The following CFAP54 variants were observed in gnomAD, a reference collection of about 807,000 sequenced individuals.
CFAP54 encodes cilia- and flagella-associated protein 54.
Under a neutral mutation model 370.4 loss-of-function variants are expected in CFAP54, and 290 were observed. The ratio of observed to expected loss-of-function variants is 0.78; its 90% CI spans 0.71 to 0.86. The LOEUF (loss-of-function observed/expected upper bound fraction) is 0.86, where lower values mean the gene tolerates loss of function less well. Ranked by LOEUF, CFAP54 falls within the 40% of genes least tolerant of loss-of-function variation. The pLI, the probability that CFAP54 is intolerant of heterozygous loss-of-function variation, is 0.00. For missense variants in CFAP54, 3,399 were observed against 3,528.7 expected (o/e 0.96, Z 0.93); for synonymous variants, 1,206 against 1,236.5 (o/e 0.98, Z 0.52).
chr12:96,727,512 A>T (rs7953246), intron 50 of CFAP54, among the ~76,000 whole-genome samples: 114,030 of 134,038 alleles, frequency 0.85, 48,929 homozygotes, highest in African/African-American at 0.95. Context: ...TGCCTTTTTT[A>T]GTTTTCCATT....
intron 39 of CFAP54, among the ~76,000 whole-genome samples, chr12:96,672,330 C>G (rs1009571556): frequency 3.9e-5 from 6 of 152,018 alleles, no homozygotes. Context: ...AGAATAAACC[C>G]AAGCAGGGAA....
intron 65 of CFAP54, among the ~76,000 whole-genome samples, chr12:96,828,053 A>G (rs1359947522): frequency 7.8e-6 from 1 of 128,054 alleles, no homozygotes; most frequent in Non-Finnish European, 1.6e-5. Flanking sequence ...TTATATATTA[A>G]TATATTATTA....
Position 96,589,527 on chromosome 12 carries a change from T to C in CFAP54, c.3176T>C (p.Ile1059Thr), listed in dbSNP as rs1956105758. Residue 1059 changes from isoleucine to threonine, a missense_variant, in exon 23 of 68, where the codon ATT becomes ACT. Transcript: ENST00000524981. ...CCACTTCAGGATGAACAATCTGTTA[T>C]TTGTTTAAGCAATATAATTACTATT... ...ASPLQDEQSV[I>T]CLSNIITITQ... 2.7e-6 allele frequency: 4 copies of C among 1,480,128 alleles called. No individual in the cohort carries two copies. Among genetic ancestry groups the C allele is most frequent in the Non-Finnish European group, 3.6e-6 (4 of 1,096,390 alleles). The allele number at this position is 1,480,128 out of a possible 1,614,324, so 91.7% of individuals were successfully genotyped here. A position where few individuals can be genotyped will look rare whatever the true frequency, so the allele number is the denominator to read the frequency against.
chr12:96,835,582 T>C (rs1398575032), intron 66 of CFAP54, among the ~76,000 whole-genome samples: 3 of 152,146 alleles, frequency 2.0e-5, no homozygotes, highest in Admixed American at 6.5e-5. Context: ...TGCTCTGTGA[T>C]TGGAGCAGGT....
intron 66 of CFAP54, among the ~76,000 whole-genome samples, chr12:96,842,408 C>T (rs1487381583): frequency 6.6e-6 from 1 of 152,128 alleles, no homozygotes; most frequent in African/African-American, 2.4e-5. Flanking sequence ...CAAGGATCCC[C>T]TCTGTTGTCC....
At position 96,554,214 on chromosome 12, in the gene CFAP54, T is replaced by C. The variant is rs907090905; in HGVS notation, c.2187T>C (p.Tyr729=). ...CTGTGGAACAGTTACTTTTTGCTTA[T>C]AAACTTCTTGACAGAGCAATCGGTG... The part of the protein sequence containing the change: ...KNPVEQLLFA[Y]KLLDRAIGGI... Residue 729 remains tyrosine, a synonymous_variant, in exon 16 of 68, where the codon TAT becomes TAC. Transcript: ENST00000524981. 2.9e-5 allele frequency: 44 copies of C among 1,516,520 alleles called. No homozygotes were observed. Among genetic ancestry groups the C allele is most frequent in the Non-Finnish European group, 3.8e-5 (43 of 1,138,676 alleles). 93.9% of individuals were successfully genotyped at this position (1,516,520 alleles called of 1,614,324 possible). A position where few individuals can be genotyped will look rare whatever the true frequency, so the allele number is the denominator to read the frequency against.
At chr12:96,515,415 A>G (rs1177790471) in intron 5 of CFAP54, among the ~76,000 whole-genome samples, 1 of 152,144 alleles carries the variant, frequency 6.6e-6, no homozygotes. Context: ...TTGGCACCTG[A>G]AGATCTGAAT....
intron 17 of CFAP54, among the ~76,000 whole-genome samples, chr12:96,559,956 T>C (rs185966011): frequency 3.3e-5 from 5 of 152,312 alleles, no homozygotes; most frequent in African/African-American, 1.2e-4. Flanking sequence ...GAAGATTTTC[T>C]TATGTTTTCT....
intron 39 of CFAP54, among the ~76,000 whole-genome samples, chr12:96,676,913 G>A (rs1311412256): frequency 2.6e-5 from 4 of 152,128 alleles, no homozygotes; most frequent in Non-Finnish European, 5.9e-5. Flanking sequence ...AACCGTCTGC[G>A]AGCCAGGGAG....
At chr12:96,673,509 C>A (rs563299542) in intron 39 of CFAP54, among the ~76,000 whole-genome samples, 260 of 152,250 alleles carry the variant, frequency 1.7e-3, no homozygotes, top group Non-Finnish European at 3.3e-3. Context: ...GGTTAGCATC[C>A]AACTTGTAGC....
At chr12:96,845,283 T>C (rs1959307516) in intron 66 of CFAP54, among the ~76,000 whole-genome samples, 1 of 152,246 alleles carries the variant, frequency 6.6e-6, no homozygotes, top group Non-Finnish European at 1.5e-5. Context: ...GTAGTATGCA[T>C]GTAGCCATAT....
chr12:96,818,975 T>C (rs1383168799), intron 65 of CFAP54, among the ~76,000 whole-genome samples: 7 of 152,248 alleles, frequency 4.6e-5, no homozygotes, highest in African/African-American at 1.2e-4. Context: ...CCTTAATTTC[T>C]TGAGAGATGT....
intron 63 of CFAP54, among the ~76,000 whole-genome samples, chr12:96,808,753 A>G (rs1269756473): frequency 6.6e-6 from 1 of 152,152 alleles, no homozygotes; most frequent in Non-Finnish European, 1.5e-5. Context: ...TGCAGACCAG[A>G]TGTTATAGGC....
intron 66 of CFAP54, among the ~76,000 whole-genome samples, chr12:96,845,603 A>G (rs1959319553): frequency 1.3e-5 from 2 of 152,206 alleles, no homozygotes; most frequent in Non-Finnish European, 2.9e-5. Context: ...AAATTCCCCC[A>G]TGGGGTTGGC....
At chr12:96,534,949 G>T (rs1188739134) in intron 11 of CFAP54, among the ~76,000 whole-genome samples, 1 of 150,084 alleles carries the variant, frequency 6.7e-6, no homozygotes, top group African/African-American at 2.5e-5. Context: ...TTGGAATGTT[G>T]GATTTATGAT....
intron 67 of CFAP54, among the ~76,000 whole-genome samples, chr12:96,874,792 GCTAA>G (rs1960263634): frequency 2.0e-5 from 3 of 151,684 alleles, no homozygotes; most frequent in Middle Eastern, 3.4e-3. Context: ...ACTACGCCCG[GCTAA>G]CTTTTTGTAT....
At chr12:96,801,785 C>A (rs1958822451) in intron 63 of CFAP54, among the ~76,000 whole-genome samples, 1 of 152,160 alleles carries the variant, frequency 6.6e-6, no homozygotes. Flanking sequence ...GTAGCTGGCC[C>A]TTCCTTTGGG....
chr12:96,771,657 C>A (rs1053930206), intron 60 of CFAP54, among the ~76,000 whole-genome samples: 15 of 151,814 alleles, frequency 9.9e-5, no homozygotes, highest in African/African-American at 2.7e-4. Flanking sequence ...GCCTCAAAAA[C>A]AAAAAACAAA....
At chr12:96,664,622 ATGTGTGTGTGTGTG>A (rs55839375) in intron 39 of CFAP54, among the ~76,000 whole-genome samples, 12 of 115,246 alleles carry the variant, frequency 1.0e-4, no homozygotes, top group South Asian at 3.0e-4. Flanking sequence ...CCAAGAACGT[ATGTGTGTGTGTGTG>A]TGTGTGTGTG....
Sources: gnomAD v4.1 joint callset for allele counts (sites outside exome capture counted in the v4.1 genomes callset) on GRCh38, gnomAD v4.1.1 for gene constraint, MANE v1.5 for transcripts, NCBI Gene and HGNC (gene_info 2026-07-23, HGNC 2026-07-21) for gene names.